The following CCDC142 variants were observed in gnomAD, a reference collection of about 807,000 sequenced individuals.
CCDC142 encodes coiled-coil domain containing 142, also known as coiled-coil domain-containing protein 142.
In CCDC142, 67 loss-of-function variants were observed where a neutral mutation model predicts 83.8. The observed-to-expected ratio is 0.80, with a 90% CI of 0.66 to 0.98. The LOEUF (loss-of-function observed/expected upper bound fraction) is 0.98. Ranked by LOEUF, CCDC142 falls within the 50% of genes least tolerant of loss-of-function variation. The pLI is 0.00. For missense variants in CCDC142, 905 were observed against 946.8 expected (o/e 0.96, Z 0.58); for synonymous variants, 421 against 421.2 (o/e 1.00, Z 0.01).
intron 3 of CCDC142, 47 bp from the exon 4 acceptor site, chr2:74,481,133 C>G: frequency 6.2e-7 from 1 of 1,609,594 alleles, no homozygotes; most frequent in Non-Finnish European, 8.5e-7. Context: ...TCATGGAGTA[C>G]CTTTGGGAAG....
At position 74,475,607 on chromosome 2, in the gene CCDC142, G is replaced by C; in HGVS notation, c.1618+5C>G. The C allele has an allele frequency of 6.2e-7, 1 of 1,609,108 alleles. No individual in the cohort carries two copies. The highest frequency in any genetic ancestry group is 8.5e-7 in the Non-Finnish European group (1 of 1,175,836). On this transcript the variant is annotated splice_donor_5th_base_variant and intron_variant, in intron 6 of 8. Coordinates refer to ENST00000393965, the MANE Select transcript of CCDC142 (RefSeq NM_001365575.2). ...CTGGAAGGAGAAGCTGGGATGAGGA[G>C]TTACCAGGACAGAGACGAAGCCGCC...
rs1672230426 is a variant in CCDC142 at position 74,473,253 on chromosome 2, C to G, written c.*1293G>C. On this transcript the variant is annotated 3_prime_UTR_variant, in exon 9 of 9. Transcript: ENST00000393965. Reference sequence around the variant, plus strand: ...TGGGGCTGATCCAGGTATAGAAATGCCTATTAAACCTCTGTGGTTCTCCAT... The same window carrying G: ...TGGGGCTGATCCAGGTATAGAAATGGCTATTAAACCTCTGTGGTTCTCCAT... 1 of 157,082 alleles carries G rather than the reference C, an allele frequency of 6.4e-6. No individual in the cohort carries two copies. Among genetic ancestry groups the G allele is most frequent in the Non-Finnish European group, 1.4e-5 (1 of 70,504 alleles). The allele number at this position is 157,082 out of a possible 1,614,324, so 9.7% of individuals were successfully genotyped here. A position where few individuals can be genotyped will look rare whatever the true frequency, so the allele number is the denominator to read the frequency against.
intron 6 of CCDC142, 38 bp from the exon 7 acceptor site, chr2:74,475,440 C>A: frequency 6.5e-7 from 1 of 1,539,168 alleles, no homozygotes; most frequent in Non-Finnish European, 8.8e-7. Flanking sequence ...CTGTGGAGAT[C>A]CATTGAACCC....
rs1018647335 is a variant in CCDC142, at chr2:74,473,053, G to A, written c.*1493C>T. On this transcript the variant is annotated 3_prime_UTR_variant, in exon 9 of 9. Transcript: ENST00000393965. ...AATCCTGGCTTCTTCCAAAGAGAGA[G>A]CACTAACACAAGCCGGGATGATCCA... 2.2e-5 allele frequency: 6 copies of A among 278,856 alleles called. No individual in the cohort carries two copies. Among genetic ancestry groups the A allele is most frequent in the African/African-American group, 9.1e-5 (4 of 44,176 alleles). The allele number at this position is 278,856 out of a possible 1,614,324, so 17.3% of individuals were successfully genotyped here. A position where few individuals can be genotyped will look rare whatever the true frequency, so the allele number is the denominator to read the frequency against.
At position 74,482,276 on chromosome 2, in the gene CCDC142, C is replaced by T; in HGVS notation, c.562G>A (p.Ala188Thr). The T allele has an allele frequency of 6.2e-7, 1 of 1,612,570 alleles. No homozygotes were observed. The highest frequency in any genetic ancestry group is 8.5e-7 in the Non-Finnish European group (1 of 1,179,768). The change falls in exon 1 of 9, where the codon GCT becomes ACT. Residue 188 changes from alanine to threonine, a missense_variant. Around this residue, in one of 3 missense-constraint regions of CCDC142, gnomAD observed 591 missense variants for 571.4 expected, o/e 1.03. Transcript: ENST00000393965. The surrounding 1 kb of genome is among the most constrained non-coding windows in gnomAD (Gnocchi z 5.0). ...GGGCTGGCGGGCTCCCGGCCGAGAG[C>T]GCGAAGCTGCATCTCGATGACAGCC... ...LEAVIEMQLR[A>T]LGREPASPGL...
chr2:74,481,597 C>T (rs1672466687), intron 1 of CCDC142, 59 bp from the exon 2 acceptor site: 7 of 1,517,508 alleles, frequency 4.6e-6, no homozygotes, highest in African/African-American at 1.4e-5. Flanking sequence ...ACAACCCCTG[C>T]CCACTCAATG....
At position 74,482,103 on chromosome 2, in the gene CCDC142, G is replaced by A; in HGVS notation, c.735C>T (p.Cys245=). The change falls in exon 1 of 9, where the codon TGC becomes TGT. Residue 245 remains cysteine (C), a synonymous_variant. Transcript: ENST00000393965. This position sits in a 1 kb window ranked among gnomAD's most constrained non-coding sequence, Gnocchi z 5.0. ...VLRLLTGERG[C]QVASRLDEAL... is the part of the protein sequence containing the mutation. ...CCTCGTCCAGCCGACTTGCCACCTG[G>A]CAACCCCGCTCCCCCGTCAAGAGGC... 6.2e-7 allele frequency: 1 copy of A among 1,613,600 alleles called. No individual in the cohort carries two copies. Among genetic ancestry groups the A allele is most frequent in the Non-Finnish European group, 8.5e-7 (1 of 1,179,952 alleles).
chr2:74,482,606 G>A lies in CCDC142; in HGVS notation c.232C>T (p.Pro78Ser). The A allele has an allele frequency of 6.2e-7, 1 of 1,604,008 alleles. No homozygotes were observed. The highest frequency in any genetic ancestry group is 8.5e-7 in the Non-Finnish European group (1 of 1,175,882). Residue 78 changes from proline (P) to serine (S), a missense_variant, in exon 1 of 9, where the codon CCC becomes TCC. Pro to Ser is a moderately conservative substitution (Grantham distance 74, BLOSUM62 -1). Coordinates refer to ENST00000393965, the MANE Select transcript of CCDC142 (RefSeq NM_001365575.2). The surrounding 1 kb of genome is among the most constrained non-coding windows in gnomAD (Gnocchi z 5.0). ...EADAAAWRRGPAGGGPIPPAL... is the reference protein window; with the variant it reads ...EADAAAWRRGSAGGGPIPPAL... ...GGAGGGATCGGGCCGCCACCTGCGG[G>A]CCCCCGCCTCCAGGCCGCAGCATCA...
intron 5 of CCDC142, 90 bp from the exon 6 acceptor site, chr2:74,475,816 A>G (rs1672312059): frequency 2.6e-6 from 2 of 777,384 alleles, no homozygotes; most frequent in Non-Finnish European, 4.2e-6. Context: ...TGACATCCAT[A>G]AAACCCCAGA....
In CCDC142 at chr2:74,475,302, G is replaced by A. The variant is rs1280023257; in HGVS notation, c.1719C>T (p.Ala573=). ...CCGTCAGAGCCTGACCAAGGGCAGG[G>A]GCCTGGGCTTGAGGTGGCAACCCTT... ...GLQGLPPQAQ[A]PALGQALTAI... is the part of the protein sequence containing the mutation. The change falls in exon 7 of 9, where the codon GCC becomes GCT. Residue 573 remains alanine, a synonymous_variant. Coordinates refer to ENST00000393965, the MANE Select transcript of CCDC142 (RefSeq NM_001365575.2). 42 of 1,614,076 alleles carry A rather than the reference G, an allele frequency of 2.6e-5. No homozygotes were observed. Among genetic ancestry groups the A allele is most frequent in the Non-Finnish European group, 3.5e-5 (41 of 1,180,000 alleles).
At position 74,482,706 on chromosome 2, in the gene CCDC142, G is replaced by A. The variant is rs1331715669; in HGVS notation, c.132C>T (p.His44=). 6 of 1,608,200 alleles carry A rather than the reference G, an allele frequency of 3.7e-6. No individual in the cohort carries two copies. The highest frequency in any genetic ancestry group is 5.1e-6 in the Non-Finnish European group (6 of 1,179,978). The change falls in exon 1 of 9, where the codon CAC becomes CAT. Residue 44 remains histidine (H), a synonymous_variant. Coordinates refer to ENST00000393965, the MANE Select transcript of CCDC142 (RefSeq NM_001365575.2). The surrounding 1 kb of genome is among the most constrained non-coding windows in gnomAD (Gnocchi z 5.0). The stretch of plus-strand genomic sequence containing the variant: ...CTCCAGAAGTTCCGCTCGGCCAGCA[G>A]TGAACCTCCCAGCGAAGACCGCCCG... The part of the protein sequence containing the change: ...SRTGGLRWEV[H]CWPSGTSGGT...
rs1309676799 is a variant in CCDC142 at position 74,474,527 on chromosome 2, G to C, written c.*19C>G. ...GAGATGGGGAGCTCTTAACTTTCTG[G>C]CTCCTGGTCCCAGGCTCCTTAGGAT... On this transcript the variant is annotated 3_prime_UTR_variant, in exon 9 of 9. Transcript: ENST00000393965. 1.9e-6 allele frequency: 3 copies of C among 1,564,642 alleles called. No homozygotes were observed. The highest frequency in any genetic ancestry group is 2.6e-6 in the Non-Finnish European group (3 of 1,159,096).
At position 74,482,364 on chromosome 2, in the gene CCDC142, A is replaced by T. The variant is rs757574032; in HGVS notation, c.474T>A (p.Pro158=). The T allele has an allele frequency of 1.3e-6, 2 of 1,589,024 alleles. No homozygotes were observed. Among genetic ancestry groups the T allele is most frequent in the Non-Finnish European group, 1.7e-6 (2 of 1,169,440 alleles). The part of the protein sequence containing the change: ...PSQGAVLRIG[P]GETLEPLLLA... ...GCAGCAGCGGCTCGAGAGTCTCCCC[A>T]GGGCCGATTCGCAGAACCGCCCCTT... Residue 158 remains proline (P), a synonymous_variant, in exon 1 of 9, where the codon CCT becomes CCA. Transcript: ENST00000393965. This position sits in a 1 kb window ranked among gnomAD's most constrained non-coding sequence, Gnocchi z 5.0.
rs142978072 is a variant in CCDC142, at chr2:74,481,327, A to C, written c.1154T>G (p.Leu385Arg). Residue 385 changes from leucine (L) to arginine (R), a missense_variant, in exon 3 of 9, where the codon CTT becomes CGT. By Grantham distance (102) the Leu-to-Arg change is moderately radical. Transcript: ENST00000393965. ...TTCAGCAGTGCCAGAGGATGTGGGAAGGCTGCTCTGACCCCCAAGAGCTGA... is the reference window on the plus strand; with the variant it reads ...TTCAGCAGTGCCAGAGGATGTGGGACGGCTGCTCTGACCCCCAAGAGCTGA... ...LGSALGGQSS[L>R]PTSSGTAELL... 3.4e-4 allele frequency: 555 copies of C among 1,614,116 alleles called. 5 individuals carry two copies. The African/African-American group carries it at 6.4e-3, about 19-fold the overall frequency.
chr2:74,476,044 A>AACACACAC lies in CCDC142; in HGVS notation c.1504-326_1504-319dup, dbSNP rs58719599. Among the ~76,000 whole-genome samples, 278 of 97,696 alleles carry AACACACAC rather than the reference A, an allele frequency of 2.8e-3. 2 individuals carry two copies. The highest frequency in any genetic ancestry group is 7.2e-3 in the African/African-American group (177 of 24,448). 64.1% of individuals were successfully genotyped at this position (97,696 alleles called of 152,430 possible). On this transcript the variant is annotated intron_variant, in intron 5 of 8. Transcript: ENST00000393965. ...AGACATACCCTGCCCCCACCCCCGC[A>AACACACAC]ACACACACACACACACACACACACA...
chr2:74,481,799 C>A lies in CCDC142; in HGVS notation c.1021+18G>T. On this transcript the variant is annotated intron_variant, in intron 1 of 8. Coordinates refer to ENST00000393965, the MANE Select transcript of CCDC142 (RefSeq NM_001365575.2). ...AGACCCCAGCCTTCCCAAACGCCCACCCAAGCCCATCACTCACCCTGACCC... is the reference window on the plus strand; with the variant it reads ...AGACCCCAGCCTTCCCAAACGCCCAACCAAGCCCATCACTCACCCTGACCC... 1 of 1,596,514 alleles carries A rather than the reference C, an allele frequency of 6.3e-7. No homozygotes were observed. The highest frequency in any genetic ancestry group is 1.1e-5 in the South Asian group (1 of 89,292).
Position 74,482,515 on chromosome 2 carries a change from G to T in CCDC142, c.323C>A (p.Ala108Asp). The T allele has an allele frequency of 1.3e-6, 2 of 1,573,354 alleles. No individual in the cohort carries two copies. Among genetic ancestry groups the T allele is most frequent in the Non-Finnish European group, 1.7e-6 (2 of 1,159,324 alleles). Residue 108 changes from alanine (A) to aspartate (D), a missense_variant, in exon 1 of 9, where the codon GCC becomes GAC. Transcript: ENST00000393965. This position sits in a 1 kb window ranked among gnomAD's most constrained non-coding sequence, Gnocchi z 5.0. ...CTGTAGGTGGTAGGCGCAGTCTCGG[G>T]CCTGGAGGAGCTGCTCCCGCTCGCG... ...LHREREQLLQ[A>D]RDCAYHLQSA...
At position 74,475,219 on chromosome 2, in the gene CCDC142, C is replaced by A. The variant is rs1240367656; in HGVS notation, c.1796+6G>T. On this transcript the variant is annotated splice_donor_region_variant and intron_variant, in intron 7 of 8. Transcript: ENST00000393965. ...ACCCCCTGCCACTTCCACCTTTACT[C>A]CTGACCTGAACCGAATCCCATGGGT... is the stretch of plus-strand genomic sequence containing the variant. 2 of 1,614,232 alleles carry A rather than the reference C, an allele frequency of 1.2e-6. No individual in the cohort carries two copies. The highest frequency in any genetic ancestry group is 3.3e-5 in the Admixed American group (2 of 60,032).
chr2:74,482,298 A>G lies in CCDC142; in HGVS notation c.540T>C (p.Ala180=), dbSNP rs774399304. 8 of 1,611,930 alleles carry G rather than the reference A, an allele frequency of 5.0e-6. No homozygotes were observed. In the South Asian group the frequency reaches 7.7e-5, roughly 16 times the overall value. ...GAGCGCGAAGCTGCATCTCGATGAC[A>G]GCCTCCAGGCACTGGGCGGCTAGTC... ...PIGLAAQCLE[A]VIEMQLRALG... Residue 180 remains alanine, a synonymous_variant, in exon 1 of 9, where the codon GCT becomes GCC. Coordinates refer to ENST00000393965, the MANE Select transcript of CCDC142 (RefSeq NM_001365575.2). The surrounding 1 kb of genome is among the most constrained non-coding windows in gnomAD (Gnocchi z 5.0).
Sources: gnomAD v4.1 joint callset for allele counts (sites outside exome capture counted in the v4.1 genomes callset) on GRCh38, gnomAD v4.1.1 for gene constraint, gnomAD v4.1.1 regional missense constraint, Gnocchi (gnomAD v3.1) non-coding constraint, MANE v1.5 for transcripts, NCBI Gene and HGNC (gene_info 2026-07-23, HGNC 2026-07-21) for gene names.